The following ALPK1 variants were observed in gnomAD, a reference collection of about 807,000 sequenced individuals.
ALPK1 encodes alpha kinase 1, also known as alpha-protein kinase 1.
A neutral mutation model predicts 120.6 loss-of-function variants in ALPK1; 110 were observed. That is an observed-to-expected ratio of 0.91 (90% confidence interval 0.78 to 1.07). ALPK1 has a LOEUF of 1.07. Ranked by LOEUF, ALPK1 falls within the 50% of genes least tolerant of loss-of-function variation. The probability of loss-of-function intolerance (pLI) is 0.00; values close to 1 mark genes in which losing one functional copy is unlikely to be tolerated. For synonymous variants in ALPK1, 582 were observed against 560.3 expected (o/e 1.04, Z -0.55); for missense variants, 1,498 against 1,483.9 (o/e 1.01, Z -0.16).
intron 4 of ALPK1, among the ~76,000 whole-genome samples, chr4:112,393,361 G>A (rs1435627208): frequency 2.0e-5 from 3 of 152,120 alleles, no homozygotes; most frequent in Non-Finnish European, 2.9e-5. Flanking sequence ...GGGAGGGGGT[G>A]TGGGGGAGTT....
rs145379900 is a variant in ALPK1 at position 112,322,559 on chromosome 4, G to A, written c.-101+6707G>A. 1.3e-3 allele frequency among the ~76,000 whole-genome samples: 200 copies of A among 152,256 alleles called. 3 individuals are homozygous for A. In the Middle Eastern group the frequency reaches 0.058, roughly 44 times the overall value. On this transcript the variant is annotated intron_variant, in intron 2 of 15. Transcript: ENST00000650871. The stretch of plus-strand genomic sequence containing the variant: ...TGCTAGGAGTTATTCAAGGTACTGA[G>A]GTTATAGAAGGGAACAAAACAAACT...
chr4:112,393,626 CA>C (rs1374647032), intron 4 of ALPK1, among the ~76,000 whole-genome samples: 1 of 152,150 alleles, frequency 6.6e-6, no homozygotes, highest in Admixed American at 6.5e-5. Flanking sequence ...GATTGTTAAA[CA>C]GTTGTCCTTA....
At chr4:112,357,897 G>T (rs1039929301) in intron 2 of ALPK1, 21 of 1,149,404 alleles carry the variant, frequency 1.8e-5, no homozygotes, top group Admixed American at 1.6e-4. Context: ...TGGAGCCCAG[G>T]AGCAAAGGCA....
At chr4:112,426,032 A>G (rs1236555940) in intron 7 of ALPK1, 2 of 291,780 alleles carry the variant, frequency 6.9e-6, no homozygotes, top group Non-Finnish European at 1.3e-5. Context: ...GACTCAGTTC[A>G]GCAGGACTCC....
At chr4:112,302,468 C>T (rs1456596511) in intron 1 of ALPK1, 1 of 152,478 alleles carries the variant, frequency 6.6e-6, no homozygotes, top group Non-Finnish European at 1.5e-5. Context: ...TCACTTCTTA[C>T]TCTCAGCCCA....
At chr4:112,374,570 G>T (rs1213268001) in intron 2 of ALPK1, among the ~76,000 whole-genome samples, 2 of 152,118 alleles carry the variant, frequency 1.3e-5, no homozygotes, top group Non-Finnish European at 2.9e-5. Flanking sequence ...AGAAGAATTT[G>T]CTTTGCCCAG....
chr4:112,355,930 G>T (rs919223798), intron 2 of ALPK1, among the ~76,000 whole-genome samples: 2 of 152,226 alleles, frequency 1.3e-5, no homozygotes, highest in African/African-American at 4.8e-5. Flanking sequence ...GAGGTCCCCC[G>T]GTTCTGGAAG....
intron 2 of ALPK1, chr4:112,356,334 C>T (rs1209362755): frequency 1.1e-6 from 1 of 892,514 alleles, no homozygotes; most frequent in East Asian, 2.4e-5. Flanking sequence ...ACCATCTTTG[C>T]CTGCAATTTT....
intron 5 of ALPK1, chr4:112,414,608 CAAA>C (rs397975906): frequency 1.3e-4 from 19 of 146,938 alleles, no homozygotes; most frequent in South Asian, 3.8e-4. Context: ...GACTTCGTCT[CAAA>C]AAAAAAAAAA....
chr4:112,356,740 C>A, intron 2 of ALPK1: 1 of 835,070 alleles, frequency 1.2e-6, no homozygotes, highest in Non-Finnish European at 2.1e-6. Flanking sequence ...GAAGCAAGCA[C>A]GGAGTATGCC....
rs1731724615 is a variant in ALPK1, at chr4:112,377,615, T to G, written c.-100-63T>G. The G allele has an allele frequency of 7.9e-6, 5 of 633,094 alleles. No homozygotes were observed. In the East Asian group the frequency reaches 1.6e-4, roughly 21 times the overall value. The allele number at this position is 633,094 out of a possible 1,614,324, so 39.2% of individuals were successfully genotyped here. On this transcript the variant is annotated intron_variant, in intron 2 of 15. Transcript: ENST00000650871. Reference sequence around the variant, plus strand: ...GTTTGCCCTATTATCCCTCCCTGCTTGAGTCTCACAGATAATTGATGATGC... The same window carrying G: ...GTTTGCCCTATTATCCCTCCCTGCTGGAGTCTCACAGATAATTGATGATGC...
rs768067074 is a variant in ALPK1 at position 112,324,328 on chromosome 4, GA to G, written c.-101+8488del. On this transcript the variant is annotated intron_variant, in intron 2 of 15. Coordinates refer to ENST00000650871, the MANE Select transcript of ALPK1 (RefSeq NM_025144.4). ...GGTGACAGAGCAAGACTCCATCTCAGAAAAAAAAAAAAGAAAAAAAAAAGCC... is the reference window on the plus strand; with the variant it reads ...GGTGACAGAGCAAGACTCCATCTCAGAAAAAAAAAAAGAAAAAAAAAAGCC... Among the ~76,000 whole-genome samples the G allele has an allele frequency of 5.2e-3, 296 of 56,448 alleles. 4 individuals are homozygous for G. The highest frequency in any genetic ancestry group is 0.044 in the Admixed American group (209 of 4,784). The allele number at this position is 56,448 out of a possible 152,430, so 37.0% of individuals were successfully genotyped here.
chr4:112,376,541 A>G (rs1731670608), intron 2 of ALPK1, among the ~76,000 whole-genome samples: 1 of 152,244 alleles, frequency 6.6e-6, no homozygotes, highest in African/African-American at 2.4e-5. Flanking sequence ...ATAGAAAATG[A>G]GAGAGGGAAA....
At chr4:112,318,915 C>T (rs544848365) in intron 2 of ALPK1, among the ~76,000 whole-genome samples, 2 of 152,288 alleles carry the variant, frequency 1.3e-5, no homozygotes, top group Admixed American at 6.5e-5. Context: ...GTGGTAGAAG[C>T]GACACTAATG....
intron 4 of ALPK1, among the ~76,000 whole-genome samples, chr4:112,403,383 T>C (rs1733012892): frequency 6.6e-6 from 1 of 152,094 alleles, no homozygotes; most frequent in African/African-American, 2.4e-5. Flanking sequence ...TAAATCTGTA[T>C]GTAGTTCACA....
chr4:112,321,434 C>A (rs1728863956), intron 2 of ALPK1, among the ~76,000 whole-genome samples: 1 of 152,010 alleles, frequency 6.6e-6, no homozygotes, highest in Non-Finnish European at 1.5e-5. Flanking sequence ...GAAGTATGAC[C>A]TTAGATTGTC....
chr4:112,343,073 A>C (rs1033844287), intron 2 of ALPK1: 1 of 152,362 alleles, frequency 6.6e-6, no homozygotes, highest in Non-Finnish European at 1.5e-5. Flanking sequence ...GATTGCAGCA[A>C]AGGAGAGGGG....
intron 4 of ALPK1, among the ~76,000 whole-genome samples, chr4:112,405,925 T>C (rs1035262287): frequency 2.0e-5 from 3 of 152,164 alleles, no homozygotes; most frequent in African/African-American, 7.2e-5. Context: ...AGAACCTTGC[T>C]GAGGCCACAG....
intron 2 of ALPK1, among the ~76,000 whole-genome samples, chr4:112,318,113 C>A (rs141027115): frequency 0.012 from 1,839 of 152,252 alleles, 30 homozygotes; most frequent in African/African-American, 0.041. Context: ...GTTTAAAAGA[C>A]CTTTTTAAAG....
Sources: gnomAD v4.1 joint callset for allele counts (sites outside exome capture counted in the v4.1 genomes callset) on GRCh38, gnomAD v4.1.1 for gene constraint, MANE v1.5 for transcripts, NCBI Gene and HGNC (gene_info 2026-07-23, HGNC 2026-07-21) for gene names.